ENPP2: variants seen among roughly 807,000 people sequenced by gnomAD.
ENPP2 encodes autotaxin.
A neutral mutation model predicts 120.2 loss-of-function variants in ENPP2; 51 were observed. The observed-to-expected ratio is 0.42, with a 90% confidence interval of 0.34 to 0.54. The LOEUF (loss-of-function observed/expected upper bound fraction) is 0.54, where lower values mean the gene tolerates loss of function less well. ENPP2 is among the 20% of genes least tolerant of loss of function. The pLI, the probability that ENPP2 is intolerant of heterozygous loss-of-function variation, is 0.04. For missense variants in ENPP2, 920 were observed against 1,066.5 expected, an observed-to-expected ratio of 0.86 and a Z score of 1.91; for synonymous variants, 365 against 366.4, an observed-to-expected ratio of 1.00 and a Z score of 0.04.
chr8:119,617,274 G>A, intron 6 of ENPP2, 31 bp from the exon 7 acceptor site: 1 of 1,538,438 alleles, frequency 6.5e-7, no homozygotes, highest in African/African-American at 1.4e-5. Context: ...ATTAGAACAA[G>A]AGAACCAACA....
intron 1 of ENPP2, among the ~76,000 whole-genome samples, chr8:119,651,317 T>C (rs1817619737): frequency 6.6e-6 from 1 of 152,238 alleles, no homozygotes; most frequent in Non-Finnish European, 1.5e-5. Flanking sequence ...GACATTCTTT[T>C]AAGTGGTAGC....
chr8:119,564,733 C>A, intron 23 of ENPP2, 90 bp downstream of exon 23: 1 of 1,051,742 alleles, frequency 9.5e-7, no homozygotes. Context: ...GGGGTGTCAT[C>A]TCTTCTCTAG....
At chr8:119,640,302 G>A (rs963168891), upstream of ENPP2, among the ~76,000 whole-genome samples, 2 of 152,062 alleles carry the variant, frequency 1.3e-5, no homozygotes, top group African/African-American at 4.8e-5. Flanking sequence ...TTTGGAGTAG[G>A]GTATTTAGCA....
chr8:119,574,771 A>G (rs546790688), intron 19 of ENPP2, among the ~76,000 whole-genome samples: 1 of 152,148 alleles, frequency 6.6e-6, no homozygotes, highest in South Asian at 2.1e-4. Flanking sequence ...CTTAAATCTT[A>G]CCACAAAATC....
chr8:119,595,865 C>T (rs759168793), intron 11 of ENPP2: 42 of 1,613,838 alleles, frequency 2.6e-5, no homozygotes, highest in Middle Eastern at 3.3e-4. Flanking sequence ...GACGAGTTTC[C>T]GCAGCATAAT....
chr8:119,617,704 T>A (rs1815566460), intron 5 of ENPP2, 141 bp from the exon 6 acceptor site: 1 of 627,594 alleles, frequency 1.6e-6, no homozygotes, highest in African/African-American at 1.8e-5. Context: ...ATCCCAGCAC[T>A]TTGGGAGTCC....
intron 21 of ENPP2, 66 bp downstream of exon 21, chr8:119,569,169 C>A (rs1051104064): frequency 2.1e-5 from 32 of 1,501,100 alleles, no homozygotes; most frequent in Non-Finnish European, 2.8e-5. Flanking sequence ...ACTGAAATTC[C>A]AAATACCAAG....
intron 24 of ENPP2, among the ~76,000 whole-genome samples, chr8:119,560,077 G>A (rs1813807601): frequency 6.6e-6 from 1 of 152,120 alleles, no homozygotes; most frequent in Non-Finnish European, 1.5e-5. Context: ...GTTTAGAGCA[G>A]TATTTTTAAA....
intron 12 of ENPP2, among the ~76,000 whole-genome samples, chr8:119,593,233 C>T (rs181566165): frequency 1.5e-4 from 23 of 152,324 alleles, no homozygotes; most frequent in African/African-American, 5.5e-4. Context: ...ATCTGAATTA[C>T]AGCAGGGCCT....
intron 1 of ENPP2, among the ~76,000 whole-genome samples, chr8:119,672,680 C>T (rs966437343): frequency 2.0e-5 from 3 of 152,192 alleles, no homozygotes; most frequent in Non-Finnish European, 4.4e-5. Context: ...ACTGGCTGTG[C>T]CGAATTGTGC....
intron 19 of ENPP2, among the ~76,000 whole-genome samples, chr8:119,575,128 T>C (rs186005262): frequency 6.6e-6 from 1 of 152,346 alleles, no homozygotes; most frequent in East Asian, 1.9e-4. Context: ...ATATGACCTG[T>C]CTAATGTTAC....
chr8:119,588,528 C>CAAAAA (rs58771451), intron 13 of ENPP2, among the ~76,000 whole-genome samples: 1 of 68,196 alleles, frequency 1.5e-5, no homozygotes, highest in South Asian at 5.4e-4. Context: ...AACTCCGCCT[C>CAAAAA]AAAAAAAAAA....
chr8:119,595,315 G>T (rs1410295734), intron 11 of ENPP2, among the ~76,000 whole-genome samples: 1 of 152,196 alleles, frequency 6.6e-6, no homozygotes, highest in Non-Finnish European at 1.5e-5. Flanking sequence ...ATACTGGGAA[G>T]AGTAGACATT....
intron 1 of ENPP2, among the ~76,000 whole-genome samples, chr8:119,657,107 T>G (rs916946207): frequency 4.6e-5 from 7 of 152,054 alleles, no homozygotes; most frequent in African/African-American, 1.7e-4. Flanking sequence ...GTATTTTTAG[T>G]AGAGTCAGGG....
At chr8:119,595,745 T>G in intron 11 of ENPP2, 1 of 1,159,628 alleles carries the variant, frequency 8.6e-7, no homozygotes, top group South Asian at 1.4e-5. Context: ...GCACCAGAGT[T>G]TTTCTAAAAC....
chr8:119,613,914 A>G, intron 8 of ENPP2, among the ~76,000 whole-genome samples: 1 of 152,088 alleles, frequency 6.6e-6, no homozygotes, highest in East Asian at 1.9e-4. Context: ...AATACACTAC[A>G]TTGTTATTTG....
At chr8:119,640,008 T>A (rs1398096391), upstream of ENPP2, among the ~76,000 whole-genome samples, 3 of 152,158 alleles carry the variant, frequency 2.0e-5, no homozygotes, top group East Asian at 5.8e-4. Flanking sequence ...AATACGAGAC[T>A]TACCATGCAA....
chr8:119,585,306 C>A (rs965670), intron 15 of ENPP2, among the ~76,000 whole-genome samples: 16,405 of 152,114 alleles, frequency 0.11, 1,521 homozygotes, highest in African/African-American at 0.25. Flanking sequence ...CTAAGTACAC[C>A]CTGGAAAATT....
chr8:119,584,961 G>A (rs549408895), intron 15 of ENPP2, among the ~76,000 whole-genome samples: 2 of 152,184 alleles, frequency 1.3e-5, no homozygotes, highest in Non-Finnish European at 2.9e-5. Context: ...AACAATGCAA[G>A]ATGAGTTAAA....
Sources: allele counts gnomAD v4.1 joint callset (sites outside exome capture counted in the v4.1 genomes callset), GRCh38; gene constraint gnomAD v4.1.1; transcripts MANE v1.5; gene names NCBI Gene and HGNC (gene_info 2026-07-23, HGNC 2026-07-21).